Variants in EEF1A2 observed in about 807,000 individuals in gnomAD.
EEF1A2 encodes the protein eukaryotic translation elongation factor 1 alpha 2.
A neutral mutation model predicts 39.3 loss-of-function variants in EEF1A2; 5 were observed. That is an observed-to-expected ratio of 0.13 (90% CI 0.07 to 0.27). The LOEUF (loss-of-function observed/expected upper bound fraction) is 0.27. EEF1A2 is among the 10% of genes least tolerant of loss of function. EEF1A2 has a pLI of 1.00. For synonymous variants in EEF1A2, 287 were observed against 293.7 expected (o/e 0.98, Z 0.23); for missense variants, 218 against 681.4 (o/e 0.32, Z 7.57).
rs929241425 is a variant in EEF1A2, at chr20:63,488,592, G to A, written c.1265-167C>T. Among the ~76,000 whole-genome samples the A allele has an allele frequency of 2.0e-5, 3 of 151,832 alleles. No homozygotes were observed. In the South Asian group the frequency reaches 6.2e-4, roughly 32 times the overall value. ...GCCGGCCTCGCGGGAGTCCTGCCTGGGCGGCTGCTCCACGGTCTGCGGGGC... is the reference window on the plus strand; with the variant it reads ...GCCGGCCTCGCGGGAGTCCTGCCTGAGCGGCTGCTCCACGGTCTGCGGGGC... On this transcript the variant is annotated intron_variant, in intron 7 of 7. Coordinates refer to ENST00000217182, the MANE Select transcript of EEF1A2 (RefSeq NM_001958.5).
In EEF1A2 at chr20:63,488,985, C is replaced by G. The variant is rs1243124575; in HGVS notation, c.1197G>C (p.Ala399=). The stretch of plus-strand genomic sequence containing the variant: ...TTCCCGGCACCATCTCCACGATGGC[C>G]GCGTCTCCAGACTTCAGGGACTTGG... The part of the protein sequence containing the change: ...DNPKSLKSGD[A]AIVEMVPGKP... Residue 399 remains alanine (A), a synonymous_variant, in exon 7 of 8, where the codon GCG becomes GCC. Transcript: ENST00000217182. The G allele has an allele frequency of 6.2e-7, 1 of 1,612,576 alleles. No individual in the cohort carries two copies. Among genetic ancestry groups the G allele is most frequent in the African/African-American group, 1.3e-5 (1 of 74,938 alleles).
chr20:63,498,018 C>T lies in EEF1A2; in HGVS notation c.-71-184G>A, dbSNP rs1234648655. 3 of 447,344 alleles carry T rather than the reference C, an allele frequency of 6.7e-6. No individual in the cohort carries two copies. Among genetic ancestry groups the T allele is most frequent in the Non-Finnish European group, 1.2e-5 (3 of 250,898 alleles). 27.7% of individuals were successfully genotyped at this position (447,344 alleles called of 1,614,324 possible). A position where few individuals can be genotyped will look rare whatever the true frequency, so the allele number is the denominator to read the frequency against. ...GGCCAGGGCAAGCAGAGGCTGTGCA[C>T]TGCCCCCACCCCACACTTGAGCCCA... On this transcript the variant is annotated intron_variant, in intron 1 of 7. Transcript: ENST00000217182. The surrounding 1 kb of genome is among the most constrained non-coding windows in gnomAD (Gnocchi z 4.1).
intron 5 of EEF1A2, among the ~76,000 whole-genome samples, chr20:63,492,884 C>CGATG (rs966616047): frequency 4.4e-4 from 15 of 33,962 alleles, no homozygotes; most frequent in Non-Finnish European, 6.5e-4. Context: ...ATGGATGGAT[C>CGATG]GATGGATGGA....
At position 63,495,026 on chromosome 20, in the gene EEF1A2, G is replaced by T; in HGVS notation, c.400C>A (p.Arg134=). 6 of 1,612,710 alleles carry T rather than the reference G, an allele frequency of 3.7e-6. No homozygotes were observed. The highest frequency in any genetic ancestry group is 4.2e-6 in the Non-Finnish European group (5 of 1,179,944). The part of the protein sequence containing the change: ...EAGISKNGQT[R]EHALLAYTLG... ...GTGTAGGCCAGCAGGGCATGCTCCC[G>T]CGTCTGCCCATTCTTGGAGATGCCC... The change falls in exon 4 of 8, where the codon CGG becomes AGG. Residue 134 remains arginine, a synonymous_variant. Transcript: ENST00000217182.
chr20:63,491,317 G>A (rs2082377680), intron 5 of EEF1A2, among the ~76,000 whole-genome samples: 2 of 152,346 alleles, frequency 1.3e-5, no homozygotes, highest in South Asian at 4.1e-4. Flanking sequence ...GCACATGAGC[G>A]TCCCTGGCAT....
chr20:63,491,935 T>G (rs1216731551), intron 5 of EEF1A2, among the ~76,000 whole-genome samples: 1 of 127,966 alleles, frequency 7.8e-6, no homozygotes, highest in African/African-American at 3.1e-5. Flanking sequence ...GATGGATGGA[T>G]GGATGGACGG....
At chr20:63,489,831 T>C (rs1340273622) in intron 6 of EEF1A2, among the ~76,000 whole-genome samples, 1 of 152,156 alleles carries the variant, frequency 6.6e-6, no homozygotes, top group Non-Finnish European at 1.5e-5. Flanking sequence ...AGAGGGGCAA[T>C]GAAGACTGTA....
chr20:63,490,550 T>A lies in EEF1A2; in HGVS notation c.958A>T (p.Ile320Phe), dbSNP rs935904739. 3.1e-6 allele frequency: 5 copies of A among 1,612,792 alleles called. No homozygotes were observed. The highest frequency in any genetic ancestry group is 4.2e-6 in the Non-Finnish European group (5 of 1,179,958). The change falls in exon 6 of 8, where the codon ATC (isoleucine) becomes TTC (phenylalanine). Residue 320 changes from isoleucine to phenylalanine, a missense_variant. Physicochemically the swap from Ile to Phe is conservative, Grantham distance 21. Transcript: ENST00000217182. ...FNVKNVSVKD[I>F]RRGNVCGDSK... is the part of the protein sequence containing the mutation. ...TCCCCACACACGTTGCCCCGCCGGA[T>A]GTCCTTCACCGACACGTTCTTCACA... is the stretch of plus-strand genomic sequence containing the variant.
chr20:63,497,414 C>A lies in EEF1A2; in HGVS notation c.144+206G>T. On this transcript the variant is annotated intron_variant, in intron 2 of 7. Transcript: ENST00000217182. The surrounding 1 kb of genome is among the most constrained non-coding windows in gnomAD (Gnocchi z 7.3). Reference sequence around the variant, plus strand: ...AGGGCAAGTCCGGCAGCTCGATGGCCACCCCTCCCCCACCAAGCTCCCCCT... The same window carrying A: ...AGGGCAAGTCCGGCAGCTCGATGGCAACCCCTCCCCCACCAAGCTCCCCCT... The A allele has an allele frequency of 1.4e-6, 1 of 707,720 alleles. No homozygotes were observed. Among genetic ancestry groups the A allele is most frequent in the Non-Finnish European group, 2.1e-6 (1 of 471,892 alleles). The allele number at this position is 707,720 out of a possible 1,614,324, so 43.8% of individuals were successfully genotyped here. A position where few individuals can be genotyped will look rare whatever the true frequency, so the allele number is the denominator to read the frequency against.
chr20:63,496,030 C>A lies in EEF1A2; in HGVS notation c.150G>T (p.Gly50=), dbSNP rs751627255. Residue 50 remains glycine (G), a synonymous_variant, in exon 3 of 8, where the codon GGG becomes GGT. Transcript: ENST00000217182. ...EKFEKEAAEM[G]KGSFKYAWVL... ...CCCAGGCATACTTGAAGGATCCCTTCCCCATCTGGAGCGGGTGAGGGTCAC... is the reference window on the plus strand; with the variant it reads ...CCCAGGCATACTTGAAGGATCCCTTACCCATCTGGAGCGGGTGAGGGTCAC... 90 of 1,612,454 alleles carry A rather than the reference C, an allele frequency of 5.6e-5. No individual in the cohort carries two copies. In the East Asian group the frequency reaches 2.0e-3, roughly 35 times the overall value.
chr20:63,490,834 T>C, intron 5 of EEF1A2, 99 bp from the exon 6 acceptor site: 1 of 1,413,898 alleles, frequency 7.1e-7, no homozygotes, highest in East Asian at 2.5e-5. Flanking sequence ...AGCCTGGGAC[T>C]GGATCCCCCC....
At position 63,495,130 on chromosome 20, in the gene EEF1A2, G is replaced by A. The variant is rs1257119406; in HGVS notation, c.325-29C>T. Reference sequence around the variant, plus strand: ...CCCGGCAGGGGACACAGTGAGCCCTGCCCCGCCTGCCTGGCAGGGGACAGA... The same window carrying A: ...CCCGGCAGGGGACACAGTGAGCCCTACCCCGCCTGCCTGGCAGGGGACAGA... On this transcript the variant is annotated intron_variant, in intron 3 of 7. Coordinates refer to ENST00000217182, the MANE Select transcript of EEF1A2 (RefSeq NM_001958.5). 1.9e-6 allele frequency: 3 copies of A among 1,594,832 alleles called. No individual in the cohort carries two copies. The South Asian group carries it at 3.3e-5, about 18-fold the overall frequency.
chr20:63,492,043 TGGAG>T (rs1313674298), intron 5 of EEF1A2, among the ~76,000 whole-genome samples: 1 of 118,182 alleles, frequency 8.5e-6, no homozygotes, highest in Non-Finnish European at 1.7e-5. Context: ...GGATGGATGA[TGGAG>T]GGAAGGATGG....
At position 63,497,638 on chromosome 20, in the gene EEF1A2, G is replaced by A. The variant is rs746596211; in HGVS notation, c.126C>T (p.Phe42=). ...GGIDKRTIEK[F]EKEAAEMGKG... Reference sequence around the variant, plus strand: ...AGCTCACCTCAGCCGCCTCCTTCTCGAACTTCTCAATGGTCCTTTTGTCAA... The same window carrying A: ...AGCTCACCTCAGCCGCCTCCTTCTCAAACTTCTCAATGGTCCTTTTGTCAA... Residue 42 remains phenylalanine, a synonymous_variant, in exon 2 of 8, where the codon TTC becomes TTT. Coordinates refer to ENST00000217182, the MANE Select transcript of EEF1A2 (RefSeq NM_001958.5). The surrounding 1 kb of genome is among the most constrained non-coding windows in gnomAD (Gnocchi z 7.3). 55 of 1,612,802 alleles carry A rather than the reference G, an allele frequency of 3.4e-5. No individual in the cohort carries two copies. The highest frequency in any genetic ancestry group is 1.1e-4 in the South Asian group (10 of 90,992).
In EEF1A2 at chr20:63,497,936, C is replaced by A; in HGVS notation, c.-71-102G>T. ...CAGGCTGGACAGGCATCCCTGCCCA[C>A]AAACCAAGCCCCCATGTTTGGTGGG... On this transcript the variant is annotated intron_variant, in intron 1 of 7. Transcript: ENST00000217182. This position sits in a 1 kb window ranked among gnomAD's most constrained non-coding sequence, Gnocchi z 7.3. 1.2e-6 allele frequency: 1 copy of A among 863,756 alleles called. No individual in the cohort carries two copies. The highest frequency in any genetic ancestry group is 1.7e-6 in the Non-Finnish European group (1 of 590,338). The allele number at this position is 863,756 out of a possible 1,614,324, so 53.5% of individuals were successfully genotyped here.
At chr20:63,488,850 GTCCT>G in intron 7 of EEF1A2, 64 bp downstream of exon 7, 1 of 1,542,104 alleles carries the variant, frequency 6.5e-7, no homozygotes. Flanking sequence ...CATCCCCGCA[GTCCT>G]CTGCCCTCAG....
chr20:63,488,874 G>C (rs1386442260), intron 7 of EEF1A2, 44 bp downstream of exon 7: 1 of 1,595,446 alleles, frequency 6.3e-7, no homozygotes, highest in East Asian at 2.2e-5. Context: ...GCCTGGATCA[G>C]CCACAGCCTG....
At chr20:63,490,067 C>T (rs1443493070) in intron 6 of EEF1A2, 55 of 151,440 alleles carry the variant, frequency 3.6e-4, no homozygotes, top group Middle Eastern at 3.5e-3. Context: ...GGTCCCTTTT[C>T]TTTTTTTTTT....
intron 4 of EEF1A2, 118 bp from the exon 5 acceptor site, chr20:63,493,405 T>C: frequency 8.0e-7 from 1 of 1,247,118 alleles, no homozygotes; most frequent in Non-Finnish European, 1.1e-6. Context: ...CTCGTGCCCT[T>C]TGAGATGAGG....
Sources: allele counts gnomAD v4.1 joint callset (sites outside exome capture counted in the v4.1 genomes callset), GRCh38; gene constraint gnomAD v4.1.1; non-coding constraint Gnocchi (gnomAD v3.1); transcripts MANE v1.5; gene names NCBI Gene and HGNC (gene_info 2026-07-23, HGNC 2026-07-21).